Variants in ATRNL1 observed in about 807,000 individuals in gnomAD.
ATRNL1 encodes attractin like 1.
A neutral mutation model predicts 182.7 loss-of-function variants in ATRNL1; 95 were observed. The ratio of observed to expected loss-of-function variants is 0.52; its 90% CI spans 0.44 to 0.62. ATRNL1 has a LOEUF of 0.62. Ranked by LOEUF, ATRNL1 falls within the 20% of genes least tolerant of loss-of-function variation. The pLI is 0.00. For missense variants in ATRNL1, 1,471 were observed against 1,679.5 expected, an observed-to-expected ratio of 0.88 and a Z score of 2.17; for synonymous variants, 576 against 568.3, an observed-to-expected ratio of 1.01 and a Z score of -0.19.
chr10:115,240,115 T>C (rs1850355041), intron 9 of ATRNL1, among the ~76,000 whole-genome samples: 1 of 152,148 alleles, frequency 6.6e-6, no homozygotes, highest in African/African-American at 2.4e-5. Flanking sequence ...GTTTCTTTAT[T>C]TGGTGTTGCT....
chr10:115,104,699 T>TGGATTA (rs1843925680), intron 1 of ATRNL1, among the ~76,000 whole-genome samples: 1 of 152,170 alleles, frequency 6.6e-6, no homozygotes, highest in Non-Finnish European at 1.5e-5. Context: ...AAGTCTTTAA[T>TGGATTA]CCATTTTCAT....
chr10:115,948,287 C>T lies in ATRNL1; in HGVS notation c.*3508C>T, dbSNP rs1953920014. On this transcript the variant is annotated 3_prime_UTR_variant, in exon 29 of 29. Transcript: ENST00000355044. The stretch of plus-strand genomic sequence containing the variant: ...CAAACTAGGCAAGACAGGGTCAGTG[C>T]TTACATTTTGTGGTTATACATGATA... 6.6e-6 allele frequency: 1 copy of T among 152,140 alleles called. No homozygotes were observed. Among genetic ancestry groups the T allele is most frequent in the Admixed American group, 6.5e-5 (1 of 15,278 alleles). The allele number at this position is 152,140 out of a possible 1,614,324, so 9.4% of individuals were successfully genotyped here.
intron 1 of ATRNL1, among the ~76,000 whole-genome samples, chr10:115,119,291 A>G (rs962983700): frequency 6.6e-6 from 1 of 152,078 alleles, no homozygotes; most frequent in African/African-American, 2.4e-5. Context: ...GCTCTATACT[A>G]TAAGGAAAAT....
intron 8 of ATRNL1, among the ~76,000 whole-genome samples, chr10:115,201,418 G>A (rs1346322381): frequency 6.6e-6 from 1 of 152,090 alleles, no homozygotes; most frequent in Non-Finnish European, 1.5e-5. Context: ...TAAGGTGTAA[G>A]GAAGGGATCC....
intron 24 of ATRNL1, among the ~76,000 whole-genome samples, chr10:115,486,848 T>C (rs1849051162): frequency 6.6e-6 from 1 of 152,210 alleles, no homozygotes; most frequent in Non-Finnish European, 1.5e-5. Flanking sequence ...CCAGGTTTTC[T>C]TCTAGGGTTT....
At position 115,690,007 on chromosome 10, in the gene ATRNL1, G is replaced by T. The variant is rs1050000457; in HGVS notation, c.3796-37241G>T. On this transcript the variant is annotated intron_variant, in intron 26 of 28. Coordinates refer to ENST00000355044, the MANE Select transcript of ATRNL1 (RefSeq NM_207303.4). ...CTCTGTACATATGAGGCCTAGCAGA[G>T]AGGTCATTTTGCTGGTGAGAGGGGA... 5.9e-5 allele frequency among the ~76,000 whole-genome samples: 9 copies of T among 152,308 alleles called. No homozygotes were observed. The East Asian group carries it at 1.7e-3, about 29-fold the overall frequency.
chr10:115,631,966 A>C (rs1555026574), intron 26 of ATRNL1, among the ~76,000 whole-genome samples: 1 of 152,128 alleles, frequency 6.6e-6, no homozygotes, highest in Non-Finnish European at 1.5e-5. Flanking sequence ...AATATATATC[A>C]ATATATAGTT....
chr10:115,806,376 A>G (rs1413093025), intron 27 of ATRNL1, among the ~76,000 whole-genome samples: 4 of 152,120 alleles, frequency 2.6e-5, no homozygotes, highest in Admixed American at 6.5e-5. Context: ...GCTTTAATTA[A>G]TTACTATAGG....
chr10:115,312,512 A>G (rs1438497435), intron 17 of ATRNL1, among the ~76,000 whole-genome samples: 1 of 152,146 alleles, frequency 6.6e-6, no homozygotes, highest in Non-Finnish European at 1.5e-5. Flanking sequence ...AGATTATCTG[A>G]TACTTTTGTC....
chr10:115,508,009 T>C (rs1371756103), intron 24 of ATRNL1, among the ~76,000 whole-genome samples: 4 of 152,102 alleles, frequency 2.6e-5, no homozygotes, highest in African/African-American at 9.7e-5. Context: ...TTTTTACTAA[T>C]TGAAGTTTTG....
At chr10:115,676,981 A>G (rs149427813) in intron 26 of ATRNL1, among the ~76,000 whole-genome samples, 138 of 152,252 alleles carry the variant, frequency 9.1e-4, no homozygotes, top group African/African-American at 3.2e-3. Flanking sequence ...TTCCTGATAC[A>G]TACCTCTTAT....
chr10:115,641,631 A>T (rs1228151119), intron 26 of ATRNL1, among the ~76,000 whole-genome samples: 1 of 152,166 alleles, frequency 6.6e-6, no homozygotes, highest in African/African-American at 2.4e-5. Context: ...ATTCTATATT[A>T]TTTCATTTAA....
intron 1 of ATRNL1, chr10:115,096,686 G>A (rs2085018978): frequency 7.8e-7 from 1 of 1,288,734 alleles, no homozygotes; most frequent in East Asian, 5.5e-5. Context: ...AATGTTTCTT[G>A]AGGATAGAAG....
chr10:115,409,250 A>G (rs1309305000), intron 20 of ATRNL1, among the ~76,000 whole-genome samples: 2 of 151,936 alleles, frequency 1.3e-5, no homozygotes, highest in East Asian at 3.9e-4. Flanking sequence ...TTATCAGTTT[A>G]TTTTGTAGTT....
At chr10:115,316,692 T>C (rs2134017710) in intron 18 of ATRNL1, among the ~76,000 whole-genome samples, 1 of 152,372 alleles carries the variant, frequency 6.6e-6, no homozygotes, top group Non-Finnish European at 1.5e-5. Flanking sequence ...CATATGTTTG[T>C]TGGCTGTGTA....
chr10:115,696,909 T>A (rs1213251559), intron 26 of ATRNL1, among the ~76,000 whole-genome samples: 1 of 130,412 alleles, frequency 7.7e-6, no homozygotes, highest in Non-Finnish European at 1.6e-5. Flanking sequence ...GCGAGCGAGC[T>A]AGGGGGGAAA....
At chr10:115,288,703 G>A (rs1371154295) in intron 15 of ATRNL1, among the ~76,000 whole-genome samples, 2 of 151,786 alleles carry the variant, frequency 1.3e-5, no homozygotes, top group Non-Finnish European at 2.9e-5. Context: ...TGTATTTTTA[G>A]TAGAGACAGG....
intron 18 of ATRNL1, among the ~76,000 whole-genome samples, chr10:115,332,902 T>C (rs1186348807): frequency 6.6e-6 from 1 of 152,216 alleles, no homozygotes; most frequent in African/African-American, 2.4e-5. Flanking sequence ...TGTAGTTGCT[T>C]AACCCAGATT....
intron 27 of ATRNL1, among the ~76,000 whole-genome samples, chr10:115,769,896 C>T (rs1049411526): frequency 1.3e-4 from 20 of 152,074 alleles, no homozygotes; most frequent in African/African-American, 4.6e-4. Context: ...TTCTTGACTT[C>T]TTTGTAAATA....
Sources: gnomAD v4.1 joint callset for allele counts (sites outside exome capture counted in the v4.1 genomes callset) on GRCh38, gnomAD v4.1.1 for gene constraint, MANE v1.5 for transcripts, NCBI Gene and HGNC (gene_info 2026-07-23, HGNC 2026-07-21) for gene names.